MSH3: variants seen among roughly 807,000 people sequenced by gnomAD.
The protein encoded by MSH3 is DNA mismatch repair protein Msh3.
MSH3 carries 106 observed loss-of-function variants against 123.3 expected under a neutral mutation model. The ratio of observed to expected loss-of-function variants is 0.86; its 90% CI spans 0.73 to 1.01. The LOEUF (loss-of-function observed/expected upper bound fraction) is 1.01. Among genes scored for constraint, MSH3 ranks in the 50% least tolerant of loss-of-function variants. The pLI is 0.00. For missense variants in MSH3, 1,459 were observed against 1,347.6 expected, an observed-to-expected ratio of 1.08 and a Z score of -1.29; for synonymous variants, 515 against 481.4, an observed-to-expected ratio of 1.07 and a Z score of -0.91.
rs1580098696 is a variant in MSH3 at position 80,864,917 on chromosome 5, T to A, written c.3105T>A (p.Ser1035Arg). Reference sequence around the variant, plus strand: ...ATTACCACATGGGATTCTTGGTCAGTGAGGATGAAAGCAAACTGGATCCAG... The same window carrying A: ...ATTACCACATGGGATTCTTGGTCAGAGAGGATGAAAGCAAACTGGATCCAG... ...VGNYHMGFLV[S>R]EDESKLDPGA... Residue 1035 changes from serine to arginine, a missense_variant, in exon 22 of 24, where the codon AGT (serine) becomes AGA (arginine). By Grantham distance (110) the Ser-to-Arg change is moderately radical. Transcript: ENST00000265081. 6.2e-7 allele frequency: 1 copy of A among 1,613,946 alleles called. No individual in the cohort carries two copies. The highest frequency in any genetic ancestry group is 8.5e-7 in the Non-Finnish European group (1 of 1,179,846).
intron 22 of MSH3, among the ~76,000 whole-genome samples, chr5:80,871,784 A>C (rs1302353035): frequency 6.6e-6 from 1 of 152,022 alleles, no homozygotes; most frequent in African/African-American, 2.4e-5. Flanking sequence ...TGTTTGTTAG[A>C]AGTGAGTCAC....
At chr5:80,671,231 A>G (rs988726991) in intron 4 of MSH3, among the ~76,000 whole-genome samples, 2 of 152,202 alleles carry the variant, frequency 1.3e-5, no homozygotes, top group African/African-American at 2.4e-5. Context: ...AACTTAGGGA[A>G]AGTATTGCAG....
chr5:80,747,091 G>A (rs527536705), intron 12 of MSH3, among the ~76,000 whole-genome samples: 7 of 152,302 alleles, frequency 4.6e-5, no homozygotes, highest in African/African-American at 1.7e-4. Context: ...ACCTTGTAGA[G>A]CAGACGCAGA....
intron 21 of MSH3, among the ~76,000 whole-genome samples, chr5:80,856,911 G>T (rs1034675413): frequency 2.6e-5 from 4 of 151,788 alleles, no homozygotes; most frequent in Non-Finnish European, 5.9e-5. Context: ...TTGTCTTATT[G>T]CAGTAACTAG....
chr5:80,690,065 C>G (rs1396594677), intron 8 of MSH3, among the ~76,000 whole-genome samples: 2 of 151,984 alleles, frequency 1.3e-5, no homozygotes, highest in Non-Finnish European at 2.9e-5. Flanking sequence ...CAGGCATGCA[C>G]CACCCCTTAC....
At chr5:80,729,211 C>G (rs1031120843) in intron 10 of MSH3, among the ~76,000 whole-genome samples, 1 of 151,650 alleles carries the variant, frequency 6.6e-6, no homozygotes, top group African/African-American at 2.4e-5. Flanking sequence ...GTCAGGAGAT[C>G]GAGACCATCC....
intron 12 of MSH3, among the ~76,000 whole-genome samples, chr5:80,748,244 G>A (rs1743756819): frequency 6.6e-6 from 1 of 152,074 alleles, no homozygotes. Flanking sequence ...GCTCTTAAGG[G>A]CAAACACACA....
At position 80,667,049 on chromosome 5, in the gene MSH3, A is replaced by G. The variant is rs115456241; in HGVS notation, c.579+1686A>G. 7.5e-3 allele frequency among the ~76,000 whole-genome samples: 1,145 copies of G among 152,310 alleles called. 15 individuals carry two copies. Among genetic ancestry groups the G allele is most frequent in the African/African-American group, 0.025 (1,043 of 41,568 alleles). On this transcript the variant is annotated intron_variant, in intron 3 of 23. Coordinates refer to ENST00000265081, the MANE Select transcript of MSH3 (RefSeq NM_002439.5). ...AAACCCTCATGACACAAGTTTTCCT[A>G]TATAACAAACCTGCACATGTACCCC...
chr5:80,682,237 C>T (rs1749988768), intron 8 of MSH3, among the ~76,000 whole-genome samples: 2 of 151,994 alleles, frequency 1.3e-5, no homozygotes, highest in Non-Finnish European at 2.9e-5. Context: ...CTAGCTCTTC[C>T]CTTTAGTGAC....
chr5:80,740,522 T>G (rs1400686216), intron 10 of MSH3, among the ~76,000 whole-genome samples: 1 of 151,710 alleles, frequency 6.6e-6, no homozygotes. Flanking sequence ...TACACCCATC[T>G]AATTTTTGTA....
At chr5:80,693,650 A>G (rs200963032) in intron 8 of MSH3, among the ~76,000 whole-genome samples, 2 of 134,930 alleles carry the variant, frequency 1.5e-5, no homozygotes, top group Non-Finnish European at 1.6e-5. Flanking sequence ...CACACACACA[A>G]ACACATATAT....
At chr5:80,819,460 GTGTGTGTATA>G (rs1286579361) in intron 20 of MSH3, among the ~76,000 whole-genome samples, 2 of 146,300 alleles carry the variant, frequency 1.4e-5, no homozygotes, top group African/African-American at 5.2e-5. Flanking sequence ...GTGTGTGTGT[GTGTGTGTATA>G]TATATATATA....
intron 20 of MSH3, among the ~76,000 whole-genome samples, chr5:80,853,618 C>T (rs1030806646): frequency 3.9e-5 from 6 of 152,196 alleles, no homozygotes; most frequent in Non-Finnish European, 8.8e-5. Context: ...GTATTAGCTG[C>T]TGTCCAAGGT....
chr5:80,842,803 G>A (rs1745650789), intron 20 of MSH3, among the ~76,000 whole-genome samples: 1 of 152,048 alleles, frequency 6.6e-6, no homozygotes, highest in South Asian at 2.1e-4. Flanking sequence ...GGAGATTTTG[G>A]GCTGAGACGA....
At chr5:80,783,752 T>C (rs1744449517) in intron 17 of MSH3, among the ~76,000 whole-genome samples, 1 of 152,056 alleles carries the variant, frequency 6.6e-6, no homozygotes, top group Non-Finnish European at 1.5e-5. Context: ...TTGTTACTGC[T>C]AAAGCTTTGA....
Position 80,864,803 on chromosome 5 carries a change from A to G in MSH3, c.3001-10A>G, listed in dbSNP as rs752960402. 1.2e-6 allele frequency: 2 copies of G among 1,606,332 alleles called. No homozygotes were observed. The highest frequency in any genetic ancestry group is 2.2e-5 in the East Asian group (1 of 44,812). On this transcript the variant is annotated splice_polypyrimidine_tract_variant and intron_variant, in intron 21 of 23. Coordinates refer to ENST00000265081, the MANE Select transcript of MSH3 (RefSeq NM_002439.5). ...AATGAAATAACATTTATTCTGTCTT[A>G]TTGCTTTAGGTGAAATCCTTAACCC...
At chr5:80,803,562 T>G (rs1357364345) in intron 19 of MSH3, among the ~76,000 whole-genome samples, 1 of 149,338 alleles carries the variant, frequency 6.7e-6, no homozygotes, top group African/African-American at 2.4e-5. Flanking sequence ...GCTGTGCAGA[T>G]TTTTATTTAA....
intron 13 of MSH3, among the ~76,000 whole-genome samples, chr5:80,763,634 T>G (rs1407052805): frequency 6.6e-6 from 1 of 152,206 alleles, no homozygotes; most frequent in Non-Finnish European, 1.5e-5. Context: ...TGTCAGAGAT[T>G]TGAAAACAGA....
chr5:80,688,013 A>G (rs1750132064), intron 8 of MSH3, among the ~76,000 whole-genome samples: 1 of 152,188 alleles, frequency 6.6e-6, no homozygotes, highest in Non-Finnish European at 1.5e-5. Context: ...TGTAGTTATA[A>G]TTTGTCACAC....
Sources: gnomAD v4.1 joint callset for allele counts (sites outside exome capture counted in the v4.1 genomes callset) on GRCh38, gnomAD v4.1.1 for gene constraint, MANE v1.5 for transcripts, NCBI Gene and HGNC (gene_info 2026-07-23, HGNC 2026-07-21) for gene names.